Variants in NLRP2 observed in about 807,000 individuals in gnomAD.
The protein encoded by NLRP2 is NLR family pyrin domain containing 2.
Under a neutral mutation model 97.2 loss-of-function variants are expected in NLRP2, and 107 were observed. That is an observed-to-expected ratio of 1.10 (90% CI 0.94 to 1.29). The LOEUF (loss-of-function observed/expected upper bound fraction) is 1.29, where lower values mean the gene tolerates loss of function less well. Among genes scored for constraint, NLRP2 ranks in the 50% most tolerant of loss-of-function variants. NLRP2 has a pLI of 0.00. For synonymous variants in NLRP2, 663 were observed against 551.5 expected (o/e 1.20, Z -2.83); for missense variants, 1,495 against 1,330.3 (o/e 1.12, Z -1.93).
rs539207821 is a variant in NLRP2, at chr19:54,970,732, C to T, written c.280+437C>T. On this transcript the variant is annotated intron_variant, in intron 2 of 12. Transcript: ENST00000448584. ...AATGCAGGTGCTGGATCTTCATAAA[C>T]CCTGGTGTCTGTCCTGGTCCTTATT... Among the ~76,000 whole-genome samples, 13 of 148,712 alleles carry T rather than the reference C, an allele frequency of 8.7e-5. 1 individual carries two copies. The South Asian group carries it at 2.1e-3, about 24-fold the overall frequency.
rs2071650844 is a variant in NLRP2 at position 54,982,486 on chromosome 19, T to C, written c.788T>C (p.Phe263Ser). ...LGPCSFAELVFRDWPELQDDI... is the reference protein window; with the variant it reads ...LGPCSFAELVSRDWPELQDDI... The stretch of plus-strand genomic sequence containing the variant: ...CCGTGCAGTTTTGCAGAGCTGGTCT[T>C]CAGGGACTGGCCTGAATTGCAGGAT... Residue 263 changes from phenylalanine (F) to serine (S), a missense_variant, in exon 6 of 13, where the codon TTC (phenylalanine) becomes TCC (serine). Coordinates refer to ENST00000448584, the MANE Select transcript of NLRP2 (RefSeq NM_017852.5). The C allele has an allele frequency of 2.5e-6, 4 of 1,614,198 alleles. No homozygotes were observed. Among genetic ancestry groups the C allele is most frequent in the Non-Finnish European group, 3.4e-6 (4 of 1,180,028 alleles).
chr19:54,996,918 G>GT (rs1226830522), intron 11 of NLRP2, among the ~76,000 whole-genome samples: 2 of 151,894 alleles, frequency 1.3e-5, no homozygotes, highest in Non-Finnish European at 2.9e-5. Context: ...CGTTTTGTTT[G>GT]TTTTTTGAGA....
At chr19:54,968,541 G>T (rs1348945980) in intron 1 of NLRP2, among the ~76,000 whole-genome samples, 5 of 143,764 alleles carry the variant, frequency 3.5e-5, no homozygotes, top group African/African-American at 1.3e-4. Flanking sequence ...TTGCCATGTT[G>T]CCCAGGCTGG....
intron 10 of NLRP2, chr19:54,993,742 C>T (rs1002781285): frequency 8.8e-6 from 2 of 226,600 alleles, no homozygotes; most frequent in African/African-American, 2.4e-5. Flanking sequence ...ACACACACCC[C>T]CCTGTAATCC....
chr19:54,978,050 C>T (rs989082542), intron 4 of NLRP2, among the ~76,000 whole-genome samples: 5 of 152,078 alleles, frequency 3.3e-5, no homozygotes, highest in East Asian at 3.9e-4. Flanking sequence ...AGGAGCACAG[C>T]GCAGAGAGTT....
At chr19:54,999,807 G>A (rs1376770832) in intron 12 of NLRP2, among the ~76,000 whole-genome samples, 1 of 152,044 alleles carries the variant, frequency 6.6e-6, no homozygotes, top group Non-Finnish European at 1.5e-5. Flanking sequence ...CCCGATCTCA[G>A]CTCACTGTAA....
intron 2 of NLRP2, among the ~76,000 whole-genome samples, chr19:54,971,523 G>A (rs2146345441): frequency 6.6e-6 from 1 of 151,990 alleles, no homozygotes; most frequent in Admixed American, 6.6e-5. Flanking sequence ...TCTAACTGGT[G>A]TGAGATGATA....
At chr19:54,985,677 C>CAAAAAAAAAAAAA (rs113852885) in intron 7 of NLRP2, among the ~76,000 whole-genome samples, 1 of 68,012 alleles carries the variant, frequency 1.5e-5, no homozygotes, top group Non-Finnish European at 3.3e-5. Context: ...GACTGCGTCT[C>CAAAAAAAAAAAAA]AAAAAAAAAA....
At chr19:54,985,496 GA>G (rs1210548689) in intron 7 of NLRP2, among the ~76,000 whole-genome samples, 1 of 151,804 alleles carries the variant, frequency 6.6e-6, no homozygotes, top group East Asian at 1.9e-4. Context: ...TGGCCAACGT[GA>G]CAAAACCCTG....
chr19:54,968,092 A>G (rs2070591670), intron 1 of NLRP2, among the ~76,000 whole-genome samples: 1 of 151,520 alleles, frequency 6.6e-6, no homozygotes, highest in East Asian at 1.9e-4. Flanking sequence ...TAATTTTCGT[A>G]TTTTTAGTCG....
rs1056383906 is a variant in NLRP2, at chr19:54,985,121, T to C, written c.2105T>C (p.Met702Thr). Residue 702 changes from methionine to threonine, a missense_variant, in exon 7 of 13, where the codon ATG becomes ACG. Met to Thr is a moderately conservative substitution (Grantham distance 81, BLOSUM62 -1). Transcript: ENST00000448584. The stretch of plus-strand genomic sequence containing the variant: ...ATATTTGGATCAAATAAGGATCTGA[T>C]GGGTCTAGCAATCAATGATAGCTTT... Reference protein sequence around the residue: ...CSIFGSNKDLMGLAINDSFLS... With the variant: ...CSIFGSNKDLTGLAINDSFLS... 2 of 1,614,014 alleles carry C rather than the reference T, an allele frequency of 1.2e-6. No individual in the cohort carries two copies. Among genetic ancestry groups the C allele is most frequent in the African/African-American group, 2.7e-5 (2 of 74,924 alleles).
intron 4 of NLRP2, among the ~76,000 whole-genome samples, chr19:54,980,613 C>T (rs988048499): frequency 1.3e-5 from 2 of 152,296 alleles, no homozygotes; most frequent in Non-Finnish European, 2.9e-5. Context: ...TAGCTCACTG[C>T]CAGGAGACCA....
At chr19:54,965,543 C>T (rs1442449107), upstream of NLRP2, among the ~76,000 whole-genome samples, 2 of 91,880 alleles carry the variant, frequency 2.2e-5, 1 homozygote, top group Non-Finnish European at 4.6e-5. Flanking sequence ...GCAAGCTCCG[C>T]CTCCCGGGTT....
intron 1 of NLRP2, among the ~76,000 whole-genome samples, chr19:54,968,029 G>A (rs910411750): frequency 3.4e-5 from 5 of 148,424 alleles, no homozygotes; most frequent in East Asian, 4.0e-4. Flanking sequence ...AGCAATTCTC[G>A]TGCCTCAGCC....
chr19:54,984,920 A>G (rs1213536470), intron 6 of NLRP2, 127 bp from the exon 7 acceptor site: 15 of 869,720 alleles, frequency 1.7e-5, no homozygotes, highest in East Asian at 1.2e-4. Flanking sequence ...GGTGGTGCTA[A>G]TAAGTGATTA....
At position 54,994,338 on chromosome 19, in the gene NLRP2, C is replaced by T. The variant is rs765598776; in HGVS notation, c.2778C>T (p.Ser926=). Reference sequence around the variant, plus strand: ...CAAAGCTTCTCCAAGAAAAATCAAGCCTGTTGTGTTTGGATCTGGGGCTGA... The same window carrying T: ...CAAAGCTTCTCCAAGAAAAATCAAGTCTGTTGTGTTTGGATCTGGGGCTGA... The part of the protein sequence containing the change: ...DLTKLLQEKS[S]LLCLDLGLNH... Residue 926 remains serine (S), a synonymous_variant, in exon 11 of 13, where the codon AGC becomes AGT. Coordinates refer to ENST00000448584, the MANE Select transcript of NLRP2 (RefSeq NM_017852.5). The T allele has an allele frequency of 3.1e-6, 5 of 1,614,078 alleles. No homozygotes were observed. The Admixed American group carries it at 8.3e-5, about 27-fold the overall frequency.
intron 12 of NLRP2, 34 bp downstream of exon 12, chr19:54,997,521 C>G (rs201488414): frequency 2.3e-4 from 369 of 1,611,186 alleles, no homozygotes; most frequent in Non-Finnish European, 2.7e-4. Flanking sequence ...CAGGCTTTCT[C>G]CAGAGTGGTA....
intron 4 of NLRP2, among the ~76,000 whole-genome samples, chr19:54,978,610 C>G (rs1309118627): frequency 8.6e-5 from 13 of 151,940 alleles, no homozygotes; most frequent in Admixed American, 8.5e-4. Flanking sequence ...AATCTCCCAG[C>G]ACTTTGGGAG....
At chr19:54,979,012 TCTCA>T (rs1287781690) in intron 4 of NLRP2, among the ~76,000 whole-genome samples, 1 of 151,582 alleles carries the variant, frequency 6.6e-6, no homozygotes, top group Non-Finnish European at 1.5e-5. Flanking sequence ...TGAAATAGAG[TCTCA>T]CTCTGTCATG....
Sources: gnomAD v4.1 joint callset for allele counts (sites outside exome capture counted in the v4.1 genomes callset) on GRCh38, gnomAD v4.1.1 for gene constraint, MANE v1.5 for transcripts, NCBI Gene and HGNC (gene_info 2026-07-23, HGNC 2026-07-21) for gene names.